Variants in GLI2 observed in about 807,000 individuals in gnomAD.
The protein encoded by GLI2 is GLI family zinc finger 2.
Under a neutral mutation model 78.9 loss-of-function variants are expected in GLI2, and 22 were observed. The ratio of observed to expected loss-of-function variants is 0.28; its 90% confidence interval spans 0.20 to 0.40. The LOEUF is 0.40. GLI2 is among the 10% of genes least tolerant of loss of function. The pLI is 1.00. For missense variants in GLI2, 2,097 were observed against 2,213.2 expected, an observed-to-expected ratio of 0.95 and a Z score of 1.05; for synonymous variants, 974 against 963.7, an observed-to-expected ratio of 1.01 and a Z score of -0.20.
intron 1 of GLI2, among the ~76,000 whole-genome samples, chr2:120,767,740 C>T (rs1445078941): frequency 6.6e-6 from 1 of 152,240 alleles, no homozygotes; most frequent in Non-Finnish European, 1.5e-5. Flanking sequence ...GCTCTGGCCC[C>T]ACCTGGGCCT....
At chr2:120,970,289 G>T (rs1682075992) in intron 6 of GLI2, 104 bp from the exon 7 acceptor site, 1 of 694,306 alleles carries the variant, frequency 1.4e-6, no homozygotes, top group Middle Eastern at 3.8e-4. Context: ...CTAGCAACAT[G>T]CTCATCCCTA....
At chr2:120,829,776 C>T (rs1686266728) in intron 2 of GLI2, among the ~76,000 whole-genome samples, 1 of 152,202 alleles carries the variant, frequency 6.6e-6, no homozygotes, top group Non-Finnish European at 1.5e-5. Flanking sequence ...TGAGATCCTG[C>T]TTCCTGGCCA....
chr2:120,926,824 A>T (rs2104867308), intron 2 of GLI2, among the ~76,000 whole-genome samples: 1 of 152,340 alleles, frequency 6.6e-6, no homozygotes, highest in East Asian at 1.9e-4. Context: ...ATAGATGTCC[A>T]CTTTATACTG....
intron 2 of GLI2, among the ~76,000 whole-genome samples, chr2:120,839,656 A>G (rs1686776210): frequency 6.6e-6 from 1 of 152,164 alleles, no homozygotes; most frequent in African/African-American, 2.4e-5. Context: ...TCCGCCTCCC[A>G]GGTTCAAGAG....
At chr2:120,876,448 A>G (rs1688751768) in intron 2 of GLI2, among the ~76,000 whole-genome samples, 1 of 152,226 alleles carries the variant, frequency 6.6e-6, no homozygotes, top group Admixed American at 6.5e-5. Context: ...CAGCTGCTCC[A>G]GCAGCCACAC....
At chr2:120,984,179 A>G (rs1682855302) in intron 11 of GLI2, among the ~76,000 whole-genome samples, 1 of 152,162 alleles carries the variant, frequency 6.6e-6, no homozygotes, top group Non-Finnish European at 1.5e-5. Context: ...CTGTTCATTG[A>G]GAGGCAGCAT....
chr2:120,969,990 G>A (rs1558924555), intron 6 of GLI2, among the ~76,000 whole-genome samples: 1 of 152,166 alleles, frequency 6.6e-6, no homozygotes, highest in Non-Finnish European at 1.5e-5. Flanking sequence ...GCAAGCTGGG[G>A]GGCTCAGGGC....
In GLI2 at chr2:120,797,443, A is replaced by G. The variant is rs200321870; in HGVS notation, c.123A>G (p.Ala41=). The change falls in exon 2 of 14, where the codon GCA becomes GCG. Residue 41 remains alanine, a synonymous_variant. Coordinates refer to ENST00000361492, the MANE Select transcript of GLI2 (RefSeq NM_001374353.1). Reference sequence around the variant, plus strand: ...CTCCTTTGGTGGTGGCTGCAGCGGCAGCAGCAGCGGTAGCTGCCCAAGGAG... The same window carrying G: ...CTCCTTTGGTGGTGGCTGCAGCGGCGGCAGCAGCGGTAGCTGCCCAAGGAG... ...KASPLVVAAA[A]AAAVAAQGVP... The G allele has an allele frequency of 8.1e-6, 13 of 1,613,684 alleles. No homozygotes were observed. Among genetic ancestry groups the G allele is most frequent in the Middle Eastern group, 1.7e-4 (1 of 6,050 alleles).
intron 2 of GLI2, among the ~76,000 whole-genome samples, chr2:120,826,852 C>G (rs994038204): frequency 1.3e-5 from 2 of 152,210 alleles, no homozygotes; most frequent in Non-Finnish European, 2.9e-5. Flanking sequence ...CCTGGGCAAC[C>G]TGCCCGGCTC....
At chr2:120,777,160 T>C (rs1683704382) in intron 1 of GLI2, among the ~76,000 whole-genome samples, 1 of 152,174 alleles carries the variant, frequency 6.6e-6, no homozygotes, top group Non-Finnish European at 1.5e-5. Context: ...CGTGTGTCTT[T>C]AGGAACATAT....
chr2:120,850,457 C>T (rs919175900), intron 2 of GLI2, among the ~76,000 whole-genome samples: 2 of 152,182 alleles, frequency 1.3e-5, no homozygotes, highest in African/African-American at 4.8e-5. Context: ...CAGACAAGCT[C>T]TCAGGCAGAT....
chr2:120,988,617 G>C lies in GLI2; in HGVS notation c.2652G>C (p.Pro884=). 1 of 1,463,098 alleles carries C rather than the reference G, an allele frequency of 6.8e-7. No homozygotes were observed. Among genetic ancestry groups the C allele is most frequent in the Non-Finnish European group, 9.0e-7 (1 of 1,113,328 alleles). 90.6% of individuals were successfully genotyped at this position (1,463,098 alleles called of 1,614,324 possible). The part of the protein sequence containing the change: ...AKYAAATGGP[P]PTPLPGLERM... Reference sequence around the variant, plus strand: ...ACGCGGCAGCCACTGGCGGCCCCCCGCCCACTCCGCTGCCGGGCCTGGAGC... The same window carrying C: ...ACGCGGCAGCCACTGGCGGCCCCCCCCCCACTCCGCTGCCGGGCCTGGAGC... Residue 884 remains proline, a synonymous_variant, in exon 14 of 14, where the codon CCG becomes CCC. Transcript: ENST00000361492.
At chr2:120,863,810 G>A (rs889634871) in intron 2 of GLI2, among the ~76,000 whole-genome samples, 14 of 152,204 alleles carry the variant, frequency 9.2e-5, no homozygotes, top group African/African-American at 3.4e-4. Context: ...GCACAGATAA[G>A]CTGAGTCACA....
chr2:120,756,881 C>A (rs2104639761), intron 1 of GLI2, among the ~76,000 whole-genome samples: 1 of 152,276 alleles, frequency 6.6e-6, no homozygotes, highest in Non-Finnish European at 1.5e-5. Context: ...TTTGGGGACT[C>A]CAGTTACATG....
chr2:120,840,285 G>A lies in GLI2; in HGVS notation c.148+42817G>A, dbSNP rs903954304. ...TTTCTTATTCTGTCTTCCATGTGTCGGCACCTGGTTTTTATATTACCCATG... is the reference window on the plus strand; with the variant it reads ...TTTCTTATTCTGTCTTCCATGTGTCAGCACCTGGTTTTTATATTACCCATG... On this transcript the variant is annotated intron_variant, in intron 2 of 13. Coordinates refer to ENST00000361492, the MANE Select transcript of GLI2 (RefSeq NM_001374353.1). 8.6e-5 allele frequency among the ~76,000 whole-genome samples: 13 copies of A among 151,982 alleles called. 1 individual carries two copies. Among genetic ancestry groups the A allele is most frequent in the East Asian group, 3.9e-4 (2 of 5,182 alleles).
At chr2:120,922,593 G>A (rs1679435438) in intron 2 of GLI2, among the ~76,000 whole-genome samples, 1 of 152,196 alleles carries the variant, frequency 6.6e-6, no homozygotes, top group African/African-American at 2.4e-5. Context: ...CAAGGTTAAT[G>A]GTAAAACTAA....
At chr2:120,850,220 AT>A (rs1486769538) in intron 2 of GLI2, among the ~76,000 whole-genome samples, 2 of 152,242 alleles carry the variant, frequency 1.3e-5, no homozygotes, top group African/African-American at 4.8e-5. Context: ...AAGAAAAAAA[AT>A]AATTTAGACA....
In GLI2 at chr2:120,760,654, T is replaced by C. The variant is rs187764362; in HGVS notation, c.-31+24369T>C. On this transcript the variant is annotated intron_variant, in intron 1 of 13. Coordinates refer to ENST00000361492, the MANE Select transcript of GLI2 (RefSeq NM_001374353.1). ...TGCCTGCCCGCATGCTTGGTGCCAC[T>C]GAGCCTTGCTTGGTTAGCTCTTGGA... 6.3e-3 allele frequency among the ~76,000 whole-genome samples: 966 copies of C among 152,356 alleles called. 7 individuals are homozygous for C. Among genetic ancestry groups the C allele is most frequent in the African/African-American group, 0.022 (901 of 41,578 alleles).
intron 5 of GLI2, among the ~76,000 whole-genome samples, chr2:120,956,980 C>G (rs1375820017): frequency 1.3e-5 from 2 of 152,200 alleles, no homozygotes; most frequent in Non-Finnish European, 2.9e-5. Context: ...TTCCCCTGCC[C>G]CCCTCAGTCA....
Sources: gnomAD v4.1 joint callset for allele counts (sites outside exome capture counted in the v4.1 genomes callset) on GRCh38, gnomAD v4.1.1 for gene constraint, MANE v1.5 for transcripts, NCBI Gene and HGNC (gene_info 2026-07-23, HGNC 2026-07-21) for gene names.